TRIM47: variants seen among roughly 807,000 people sequenced by gnomAD.
TRIM47 encodes tripartite motif containing 47.
Under a neutral mutation model 54.4 loss-of-function variants are expected in TRIM47, and 46 were observed. That is an observed-to-expected ratio of 0.84 (90% CI 0.67 to 1.08). The LOEUF is 1.08. Ranked by LOEUF, TRIM47 falls within the 50% of genes least tolerant of loss-of-function variation. The probability of loss-of-function intolerance (pLI) is 0.00; values close to 1 mark genes in which losing one functional copy is unlikely to be tolerated. For missense variants in TRIM47, 825 were observed against 910.1 expected (o/e 0.91, Z 1.20); for synonymous variants, 392 against 410.2 (o/e 0.96, Z 0.54).
chr17:75,877,817 G>C (rs2065144430), intron 1 of TRIM47, 57 bp downstream of exon 1: 5 of 1,285,310 alleles, frequency 3.9e-6, no homozygotes, highest in Middle Eastern at 3.0e-4. Flanking sequence ...TCCTCGGCCC[G>C]CTCGCGCGCG....
chr17:75,878,424 G>T lies in TRIM47; in HGVS notation c.125C>A (p.Ala42Glu). The T allele has an allele frequency of 7.0e-7, 1 of 1,428,730 alleles. No homozygotes were observed. The allele number at this position is 1,428,730 out of a possible 1,614,324, so 88.5% of individuals were successfully genotyped here. A position where few individuals can be genotyped will look rare whatever the true frequency, so the allele number is the denominator to read the frequency against. ...CLGALWPHRG[A>E]SGAGGPGGAA... ...GCCTCCGGGTCCGCCGGCTCCACTC[G>T]CGCCACGATGCGGCCAGAGCGCGCC... The change falls in exon 1 of 6, where the codon GCG (alanine) becomes GAG (glutamate). Residue 42 changes from alanine to glutamate, a missense_variant. Ala to Glu is a moderately radical substitution (Grantham distance 107, BLOSUM62 -1). Transcript: ENST00000254816.
chr17:75,876,575 C>T lies in TRIM47; in HGVS notation c.772-83G>A, dbSNP rs1191325746. 4 of 1,503,834 alleles carry T rather than the reference C, an allele frequency of 2.7e-6. No individual in the cohort carries two copies. In the East Asian group the frequency reaches 7.3e-5, roughly 28 times the overall value. 93.2% of individuals were successfully genotyped at this position (1,503,834 alleles called of 1,614,324 possible). On this transcript the variant is annotated intron_variant, in intron 2 of 5. Transcript: ENST00000254816. The stretch of plus-strand genomic sequence containing the variant: ...CCCCCTCCTTCCCTGACCCCGGCTT[C>T]CCACCGGCCCTCTTGAGGGGACAGA...
In TRIM47 at chr17:75,874,588, G is replaced by C; in HGVS notation, c.1812C>G (p.Leu604=). The C allele has an allele frequency of 1.3e-6, 2 of 1,543,808 alleles. No homozygotes were observed. Among genetic ancestry groups the C allele is most frequent in the Non-Finnish European group, 1.7e-6 (2 of 1,146,536 alleles). The stretch of plus-strand genomic sequence containing the variant: ...AGGCAGGCTTGAGTCTGTGGGTGAA[G>C]AGCCCCGCAAAGTGACTGTCCAGGC... ...QSRLDSHFAG[L]FTHRLKPAFF... The change falls in exon 6 of 6, where the codon CTC becomes CTG. Residue 604 remains leucine, a synonymous_variant. Coordinates refer to ENST00000254816, the MANE Select transcript of TRIM47 (RefSeq NM_033452.3). This position sits in a 1 kb window ranked among gnomAD's most constrained non-coding sequence, Gnocchi z 6.2.
Position 75,874,631 on chromosome 17 carries a change from A to G in TRIM47, c.1769T>C (p.Ile590Thr), listed in dbSNP as rs2143965685. The G allele has an allele frequency of 4.4e-6, 7 of 1,585,600 alleles. No individual in the cohort carries two copies. Among genetic ancestry groups the G allele is most frequent in the Non-Finnish European group, 6.0e-6 (7 of 1,165,024 alleles). Reference protein sequence around the residue: ...PRRGGIPASPIDPFQSRLDSH... With the variant: ...PRRGGIPASPTDPFQSRLDSH... Reference sequence around the variant, plus strand: ...GTCCAGGCGGCTCTGGAAGGGGTCAATGGGGGAGGCCGGGATGCCACCCCG... The same window carrying G: ...GTCCAGGCGGCTCTGGAAGGGGTCAGTGGGGGAGGCCGGGATGCCACCCCG... The change falls in exon 6 of 6, where the codon ATT becomes ACT. Residue 590 changes from isoleucine (I) to threonine (T), a missense_variant. Transcript: ENST00000254816. This position sits in a 1 kb window ranked among gnomAD's most constrained non-coding sequence, Gnocchi z 6.2.
rs756222841 is a variant in TRIM47, at chr17:75,876,391, C to T, written c.873G>A (p.Glu291=). 6 of 1,612,400 alleles carry T rather than the reference C, an allele frequency of 3.7e-6. No homozygotes were observed. The highest frequency in any genetic ancestry group is 5.1e-6 in the Non-Finnish European group (6 of 1,180,000). ...FQTQVLGFIE[E]GEAAMLGRSQ... is the part of the protein sequence containing the mutation. ...AGCGGCCTAGCATGGCAGCTTCCCC[C>T]TCCTCGATGAAGCCCAGCACCTGGG... is the stretch of plus-strand genomic sequence containing the variant. The change falls in exon 3 of 6, where the codon GAG becomes GAA. Residue 291 remains glutamate (E), a synonymous_variant. Coordinates refer to ENST00000254816, the MANE Select transcript of TRIM47 (RefSeq NM_033452.3).
chr17:75,874,343 G>A lies in TRIM47; in HGVS notation c.*140C>T. 2 of 752,588 alleles carry A rather than the reference G, an allele frequency of 2.7e-6. No individual in the cohort carries two copies. Among genetic ancestry groups the A allele is most frequent in the South Asian group, 3.2e-5 (1 of 31,232 alleles). 46.6% of individuals were successfully genotyped at this position (752,588 alleles called of 1,614,324 possible). A position where few individuals can be genotyped will look rare whatever the true frequency, so the allele number is the denominator to read the frequency against. The stretch of plus-strand genomic sequence containing the variant: ...CTGCCTGGGAGAGGGAAGGCTGAGT[G>A]TATAAAAAGGTGGAAGCCTCTAGAA... On this transcript the variant is annotated 3_prime_UTR_variant, in exon 6 of 6. Transcript: ENST00000254816. The surrounding 1 kb of genome is among the most constrained non-coding windows in gnomAD (Gnocchi z 6.2).
intron 2 of TRIM47, 84 bp from the exon 3 acceptor site, chr17:75,876,576 C>A: frequency 6.6e-7 from 1 of 1,505,158 alleles, no homozygotes; most frequent in Non-Finnish European, 8.9e-7. Context: ...CCCCGGCTTC[C>A]CACCGGCCCT....
At position 75,875,513 on chromosome 17, in the gene TRIM47, T is replaced by G. The variant is rs746925945; in HGVS notation, c.1202-39A>C. ...GACAGTGGTGAGAACGCCCCCAGAC[T>G]GCCCCCCTCTGAACCTGTGACTACA... On this transcript the variant is annotated intron_variant, in intron 4 of 5. Coordinates refer to ENST00000254816, the MANE Select transcript of TRIM47 (RefSeq NM_033452.3). This position sits in a 1 kb window ranked among gnomAD's most constrained non-coding sequence, Gnocchi z 6.1. 6.4e-7 allele frequency: 1 copy of G among 1,569,252 alleles called. No individual in the cohort carries two copies. Among genetic ancestry groups the G allele is most frequent in the South Asian group, 1.1e-5 (1 of 90,008 alleles).
Position 75,875,341 on chromosome 17 carries a change from C to G in TRIM47, c.1276+59G>C. 6.4e-7 allele frequency: 1 copy of G among 1,559,318 alleles called. No individual in the cohort carries two copies. The highest frequency in any genetic ancestry group is 1.1e-5 in the South Asian group (1 of 89,978). ...TTGTGTGCCAGGGCCCTGCTGGGAC[C>G]AGCCCAGCAGCCCTGGGAGGGCCCA... On this transcript the variant is annotated intron_variant, in intron 5 of 5. Transcript: ENST00000254816. The surrounding 1 kb of genome is among the most constrained non-coding windows in gnomAD (Gnocchi z 6.1).
Position 75,878,572 on chromosome 17 carries a change from CG to C in TRIM47, c.-25del. 7.9e-7 allele frequency: 1 copy of C among 1,263,810 alleles called. No individual in the cohort carries two copies. The highest frequency in any genetic ancestry group is 1.0e-6 in the Non-Finnish European group (1 of 1,000,198). 78.3% of individuals were successfully genotyped at this position (1,263,810 alleles called of 1,614,324 possible). A position where few individuals can be genotyped will look rare whatever the true frequency, so the allele number is the denominator to read the frequency against. On this transcript the variant is annotated 5_prime_UTR_variant, in exon 1 of 6. Coordinates refer to ENST00000254816, the MANE Select transcript of TRIM47 (RefSeq NM_033452.3). Reference sequence around the variant, plus strand: ...ATGACTCCGCGGCCGCCCAGGGCGCCGCCGATTGTGCTCCGGCCTGGGAGGG... The same window carrying C: ...ATGACTCCGCGGCCGCCCAGGGCGCCCCGATTGTGCTCCGGCCTGGGAGGG...
At position 75,874,557 on chromosome 17, in the gene TRIM47, G is replaced by T; in HGVS notation, c.1843C>A (p.Leu615Met). The change falls in exon 6 of 6, where the codon CTG (leucine) becomes ATG (methionine). Residue 615 changes from leucine (L) to methionine (M), a missense_variant. By Grantham distance (15) the Leu-to-Met change is conservative. Coordinates refer to ENST00000254816, the MANE Select transcript of TRIM47 (RefSeq NM_033452.3). This position sits in a 1 kb window ranked among gnomAD's most constrained non-coding sequence, Gnocchi z 6.2. The part of the protein sequence containing the change: ...FTHRLKPAFF[L>M]ESVDAHLQIG... ...TGCAAGTGGGCGTCCACACTCTCCAGGAAGAAGGCAGGCTTGAGTCTGTGG... is the reference window on the plus strand; with the variant it reads ...TGCAAGTGGGCGTCCACACTCTCCATGAAGAAGGCAGGCTTGAGTCTGTGG... 1 of 1,527,230 alleles carries T rather than the reference G, an allele frequency of 6.5e-7. No homozygotes were observed. The allele number at this position is 1,527,230 out of a possible 1,614,324, so 94.6% of individuals were successfully genotyped here.
At position 75,875,447 on chromosome 17, in the gene TRIM47, C is replaced by T. The variant is rs2143969066; in HGVS notation, c.1229G>A (p.Ser410Asn). 1.2e-6 allele frequency: 2 copies of T among 1,614,074 alleles called. No individual in the cohort carries two copies. Among genetic ancestry groups the T allele is most frequent in the Non-Finnish European group, 1.7e-6 (2 of 1,179,986 alleles). The change falls in exon 5 of 6, where the codon AGT becomes AAT. Residue 410 changes from serine to asparagine, a missense_variant. Coordinates refer to ENST00000254816, the MANE Select transcript of TRIM47 (RefSeq NM_033452.3). This position sits in a 1 kb window ranked among gnomAD's most constrained non-coding sequence, Gnocchi z 6.1. ...AGCTTCACTCTCCAAGAGGTTCGTA[C>T]TCTCGAGGTCTTGGGGCTCAGCATC... ...EADAEPQDLE[S>N]TNLLESEAPR...
chr17:75,877,301 C>G (rs2065141685), intron 1 of TRIM47: 1 of 164,562 alleles, frequency 6.1e-6, no homozygotes, highest in Non-Finnish European at 1.3e-5. Flanking sequence ...AGTCACTGCT[C>G]CAGGCAGGAG....
At position 75,874,513 on chromosome 17, in the gene TRIM47, C is replaced by T; in HGVS notation, c.1887G>A (p.Lys629=). 1 of 1,511,728 alleles carries T rather than the reference C, an allele frequency of 6.6e-7. No homozygotes were observed. Among genetic ancestry groups the T allele is most frequent in the Non-Finnish European group, 8.8e-7 (1 of 1,130,010 alleles). 93.6% of individuals were successfully genotyped at this position (1,511,728 alleles called of 1,614,324 possible). ...TCCTCTTCAGCACGGATATGCAGGACTTCTTGAGGGGCCCGATCTGCAAGT... is the reference window on the plus strand; with the variant it reads ...TCCTCTTCAGCACGGATATGCAGGATTTCTTGAGGGGCCCGATCTGCAAGT... The part of the protein sequence containing the change: ...DAHLQIGPLK[K]SCISVLKRR The change falls in exon 6 of 6, where the codon AAG becomes AAA. Residue 629 remains lysine (K), a synonymous_variant. Transcript: ENST00000254816. This position sits in a 1 kb window ranked among gnomAD's most constrained non-coding sequence, Gnocchi z 6.2.
At position 75,874,377 on chromosome 17, in the gene TRIM47, G is replaced by C. The variant is rs745503802; in HGVS notation, c.*106C>G. ...GGTGGAAGCCTCTAGAAATGAGAAG[G>C]CTGGGTGTGTGGGACTCATGCTGGT... On this transcript the variant is annotated 3_prime_UTR_variant, in exon 6 of 6. Coordinates refer to ENST00000254816, the MANE Select transcript of TRIM47 (RefSeq NM_033452.3). This position sits in a 1 kb window ranked among gnomAD's most constrained non-coding sequence, Gnocchi z 6.2. The C allele has an allele frequency of 9.2e-7, 1 of 1,088,576 alleles. No homozygotes were observed. Among genetic ancestry groups the C allele is most frequent in the Non-Finnish European group, 1.3e-6 (1 of 783,882 alleles). The allele number at this position is 1,088,576 out of a possible 1,614,324, so 67.4% of individuals were successfully genotyped here.
Position 75,874,730 on chromosome 17 carries a change from C to A in TRIM47, c.1670G>T (p.Arg557Leu). 1.9e-6 allele frequency: 3 copies of A among 1,614,012 alleles called. No individual in the cohort carries two copies. Among genetic ancestry groups the A allele is most frequent in the Non-Finnish European group, 1.7e-6 (2 of 1,180,018 alleles). ...TVGVCLEYAD[R>L]ALAFYAVRDG... ...CCGTACAGCATAGAAGGCCAAGGCACGGTCAGCGTATTCCAGGCAGACCCC... is the reference window on the plus strand; with the variant it reads ...CCGTACAGCATAGAAGGCCAAGGCAAGGTCAGCGTATTCCAGGCAGACCCC... The change falls in exon 6 of 6, where the codon CGT (arginine) becomes CTT (leucine). Residue 557 changes from arginine (R) to leucine (L), a missense_variant. Physicochemically the swap from Arg to Leu is moderately radical, Grantham distance 102. Coordinates refer to ENST00000254816, the MANE Select transcript of TRIM47 (RefSeq NM_033452.3). This position sits in a 1 kb window ranked among gnomAD's most constrained non-coding sequence, Gnocchi z 6.2.
rs918075090 is a variant in TRIM47, at chr17:75,874,680, T to A, written c.1720A>T (p.Arg574Trp). ...CGGCGGGGCCGGGAGGCCTTCAGCC[T>A]CCGCAGGAGGCTCATCTTGCCGTCC... ...VRDGKMSLLR[R>W]LKASRPRRGG... The change falls in exon 6 of 6, where the codon AGG (arginine) becomes TGG (tryptophan). Residue 574 changes from arginine to tryptophan, a missense_variant. Physicochemically the swap from Arg to Trp is moderately radical, Grantham distance 101. Coordinates refer to ENST00000254816, the MANE Select transcript of TRIM47 (RefSeq NM_033452.3). The surrounding 1 kb of genome is among the most constrained non-coding windows in gnomAD (Gnocchi z 6.2). 1 of 1,604,774 alleles carries A rather than the reference T, an allele frequency of 6.2e-7. No individual in the cohort carries two copies. Among genetic ancestry groups the A allele is most frequent in the African/African-American group, 1.3e-5 (1 of 74,742 alleles).
Position 75,874,430 on chromosome 17 carries a change from G to A in TRIM47, c.*53C>T. 1 of 1,477,714 alleles carries A rather than the reference G, an allele frequency of 6.8e-7. No individual in the cohort carries two copies. The highest frequency in any genetic ancestry group is 9.0e-7 in the Non-Finnish European group (1 of 1,112,914). The allele number at this position is 1,477,714 out of a possible 1,614,324, so 91.5% of individuals were successfully genotyped here. ...CTTCCCAGACGAAGGAGAGGGCCCA[G>A]AGGAGGCAGCTTCCTGGAGCAGAGA... is the stretch of plus-strand genomic sequence containing the variant. On this transcript the variant is annotated 3_prime_UTR_variant, in exon 6 of 6. Coordinates refer to ENST00000254816, the MANE Select transcript of TRIM47 (RefSeq NM_033452.3). The surrounding 1 kb of genome is among the most constrained non-coding windows in gnomAD (Gnocchi z 6.2).
chr17:75,876,397 G>T lies in TRIM47; in HGVS notation c.867C>A (p.Ile289=). 6.2e-7 allele frequency: 1 copy of T among 1,612,216 alleles called. No homozygotes were observed. Among genetic ancestry groups the T allele is most frequent in the African/African-American group, 1.3e-5 (1 of 75,030 alleles). ...CTAGCATGGCAGCTTCCCCCTCCTC[G>T]ATGAAGCCCAGCACCTGGGTCTGGA... is the stretch of plus-strand genomic sequence containing the variant. The part of the protein sequence containing the change: ...QGFQTQVLGF[I]EEGEAAMLGR... Residue 289 remains isoleucine (I), a synonymous_variant, in exon 3 of 6, where the codon ATC becomes ATA. Coordinates refer to ENST00000254816, the MANE Select transcript of TRIM47 (RefSeq NM_033452.3).
Sources: gnomAD v4.1 joint callset for allele counts on GRCh38, gnomAD v4.1.1 for gene constraint, Gnocchi (gnomAD v3.1) non-coding constraint, MANE v1.5 for transcripts, NCBI Gene and HGNC (gene_info 2026-07-23, HGNC 2026-07-21) for gene names.